RUBCN: variants seen among roughly 807,000 people sequenced by gnomAD.
RUBCN encodes the protein run domain Beclin-1-interacting and cysteine-rich domain-containing protein.
In RUBCN, 74 loss-of-function variants were observed where a neutral mutation model predicts 113.2. That is an observed-to-expected ratio of 0.65 (90% CI 0.54 to 0.79). RUBCN has a LOEUF of 0.79. Among genes scored for constraint, RUBCN ranks in the 30% least tolerant of loss-of-function variants. RUBCN has a pLI of 0.00. For synonymous variants in RUBCN, 480 were observed against 490.0 expected, an observed-to-expected ratio of 0.98 and a Z score of 0.27; for missense variants, 1,109 against 1,251.7, an observed-to-expected ratio of 0.89 and a Z score of 1.72.
chr3:197,718,755 A>G (rs1433481211), intron 1 of RUBCN, among the ~76,000 whole-genome samples: 2 of 152,226 alleles, frequency 1.3e-5, no homozygotes, highest in Non-Finnish European at 2.9e-5. Context: ...CCATTTCTTA[A>G]CAATGACAGT....
At position 197,676,935 on chromosome 3, in the gene RUBCN, G is replaced by C; in HGVS notation, c.2596C>G (p.Arg866Gly). Reference sequence around the variant, plus strand: ...CCTGCCCTGGTGAGCTCAGCAAGCCGGGGCCCCAGCTCCCCCTTCCTGGTC... The same window carrying C: ...CCTGCCCTGGTGAGCTCAGCAAGCCCGGGCCCCAGCTCCCCCTTCCTGGTC... ...TATRKGELGP[R>G]LAELTRAGAT... The change falls in exon 18 of 20, where the codon CGG becomes GGG. Residue 866 changes from arginine to glycine, a missense_variant. By Grantham distance (125) the Arg-to-Gly change is moderately radical (BLOSUM62 -2). Transcript: ENST00000296343. 6.2e-7 allele frequency: 1 copy of C among 1,614,188 alleles called. No individual in the cohort carries two copies. Among genetic ancestry groups the C allele is most frequent in the East Asian group, 2.2e-5 (1 of 44,880 alleles).
chr3:197,736,266 C>G (rs1728108755), intron 1 of RUBCN, among the ~76,000 whole-genome samples: 1 of 152,194 alleles, frequency 6.6e-6, no homozygotes, highest in South Asian at 2.1e-4. Context: ...GCCCCACTTG[C>G]TGTCACGGCA....
At chr3:197,709,584 T>C (rs940686149) in intron 2 of RUBCN, among the ~76,000 whole-genome samples, 11 of 151,964 alleles carry the variant, frequency 7.2e-5, no homozygotes, top group Non-Finnish European at 1.3e-4. Context: ...TTCTCCATGT[T>C]GGTCAGGCTG....
chr3:197,695,784 C>T lies in RUBCN; in HGVS notation c.1473+82G>A. The T allele has an allele frequency of 7.2e-6, 9 of 1,257,612 alleles. No homozygotes were observed. The South Asian group carries it at 9.6e-5, about 13-fold the overall frequency. 77.9% of individuals were successfully genotyped at this position (1,257,612 alleles called of 1,614,324 possible). On this transcript the variant is annotated intron_variant, in intron 9 of 19. Transcript: ENST00000296343. ...CTTTACTGTAATCTATACCCAAAAC[C>T]TCATCAGAACAAATGGCACCACAGA...
chr3:197,719,880 A>G (rs190137674), intron 1 of RUBCN, among the ~76,000 whole-genome samples: 110 of 152,348 alleles, frequency 7.2e-4, no homozygotes, highest in Admixed American at 3.1e-3. Context: ...TGATCGCAAC[A>G]AAGTAATTAG....
rs1227425344 is a variant in RUBCN, at chr3:197,672,278, AC to A, written c.*2739del. 2 of 151,960 alleles carry A rather than the reference AC, an allele frequency of 1.3e-5. No homozygotes were observed. The highest frequency in any genetic ancestry group is 4.8e-5 in the African/African-American group (2 of 41,356). The allele number at this position is 151,960 out of a possible 1,614,324, so 9.4% of individuals were successfully genotyped here. A position where few individuals can be genotyped will look rare whatever the true frequency, so the allele number is the denominator to read the frequency against. ...AACTATGTTTTTTTTCTTTCCCTTT[AC>A]TTACAGAAAGAACACTATCACCTGC... is the stretch of plus-strand genomic sequence containing the variant. On this transcript the variant is annotated 3_prime_UTR_variant, in exon 20 of 20. Coordinates refer to ENST00000296343, the MANE Select transcript of RUBCN (RefSeq NM_014687.4).
intron 4 of RUBCN, among the ~76,000 whole-genome samples, chr3:197,704,094 A>G (rs1361822947): frequency 6.6e-6 from 1 of 152,186 alleles, no homozygotes; most frequent in Admixed American, 6.5e-5. Context: ...GTGAGAGGTA[A>G]GTCTGGATAT....
At chr3:197,689,875 C>T (rs768127263) in intron 11 of RUBCN, among the ~76,000 whole-genome samples, 8 of 152,274 alleles carry the variant, frequency 5.3e-5, no homozygotes, top group Non-Finnish European at 1.0e-4. Flanking sequence ...ACTACAGCCA[C>T]GCTACTGTGC....
In RUBCN at chr3:197,669,715, T is replaced by TC. The variant is rs1719604812; in HGVS notation, c.*5302dup. ...CCCTCAATGGGAGAAGGAATTAAAC[T>TC]CCACCTCCTGGGAGAATTTACGTAT... On this transcript the variant is annotated 3_prime_UTR_variant, in exon 20 of 20. Transcript: ENST00000296343. Among the ~76,000 whole-genome samples, 1 of 152,228 alleles carries TC rather than the reference T, an allele frequency of 6.6e-6. No homozygotes were observed. Among genetic ancestry groups the TC allele is most frequent in the African/African-American group, 2.4e-5 (1 of 41,468 alleles).
At chr3:197,688,652 A>G (rs1391732030) in intron 11 of RUBCN, among the ~76,000 whole-genome samples, 3 of 152,160 alleles carry the variant, frequency 2.0e-5, no homozygotes, top group South Asian at 2.1e-4. Flanking sequence ...GGAGATGGGG[A>G]AAAAAATAGC....
rs542711068 is a variant in RUBCN, at chr3:197,682,271, C to T, written c.2126+199G>A. Among the ~76,000 whole-genome samples the T allele has an allele frequency of 7.2e-5, 11 of 152,252 alleles. No individual in the cohort carries two copies. The South Asian group carries it at 1.0e-3, about 14-fold the overall frequency. ...TTGGGAATGCCAGCAAAACAAAACC[C>T]GCCTCGTTTCCAATTAGCTCCAGGA... On this transcript the variant is annotated intron_variant, in intron 14 of 19. Coordinates refer to ENST00000296343, the MANE Select transcript of RUBCN (RefSeq NM_014687.4).
intron 2 of RUBCN, among the ~76,000 whole-genome samples, chr3:197,710,347 T>G (rs1724820088): frequency 6.6e-6 from 1 of 152,152 alleles, no homozygotes; most frequent in Non-Finnish European, 1.5e-5. Context: ...ATGCCTATAA[T>G]CCCAGCACTT....
chr3:197,732,017 C>T (rs539756331), intron 1 of RUBCN, among the ~76,000 whole-genome samples: 45 of 152,354 alleles, frequency 3.0e-4, no homozygotes, highest in Middle Eastern at 3.4e-3. Context: ...GTCACTCTGA[C>T]GCTCTGGCAT....
intron 17 of RUBCN, 105 bp from the exon 18 acceptor site, chr3:197,677,143 A>G (rs1720531769): frequency 1.6e-6 from 2 of 1,259,946 alleles, no homozygotes; most frequent in Non-Finnish European, 2.3e-6. Flanking sequence ...GAGGGTGGGC[A>G]CCCATCAGCC....
At chr3:197,699,526 T>C (rs1226149454) in intron 7 of RUBCN, among the ~76,000 whole-genome samples, 1 of 152,128 alleles carries the variant, frequency 6.6e-6, no homozygotes, top group African/African-American at 2.4e-5. Context: ...GGCCAGTGGC[T>C]TGGAGTATGG....
At chr3:197,730,210 C>T (rs1363499865) in intron 1 of RUBCN, among the ~76,000 whole-genome samples, 1 of 152,172 alleles carries the variant, frequency 6.6e-6, no homozygotes, top group Non-Finnish European at 1.5e-5. Context: ...AACCACCTCT[C>T]TACTACTTAC....
intron 7 of RUBCN, among the ~76,000 whole-genome samples, chr3:197,698,818 C>T (rs1352135152): frequency 7.2e-6 from 1 of 138,884 alleles, no homozygotes; most frequent in Admixed American, 7.3e-5. Flanking sequence ...TGCGGTGAAA[C>T]CCTGTCTCTA....
chr3:197,726,082 C>T (rs1304626987), intron 1 of RUBCN, among the ~76,000 whole-genome samples: 1 of 152,134 alleles, frequency 6.6e-6, no homozygotes, highest in African/African-American at 2.4e-5. Flanking sequence ...ATAATCTGAC[C>T]CACTATAGCT....
In RUBCN at chr3:197,677,398, C is replaced by T. The variant is rs950522058; in HGVS notation, c.2492+82G>A. 8 of 1,198,032 alleles carry T rather than the reference C, an allele frequency of 6.7e-6. No individual in the cohort carries two copies. The African/African-American group carries it at 1.2e-4, about 18-fold the overall frequency. 74.2% of individuals were successfully genotyped at this position (1,198,032 alleles called of 1,614,324 possible). On this transcript the variant is annotated intron_variant, in intron 17 of 19. Transcript: ENST00000296343. ...AAAATCTCTCTACTCTCCTTCGTTA[C>T]ATAACAAGAGCCAAGCGCGGGGATG...
Sources: gnomAD v4.1 joint callset for allele counts (sites outside exome capture counted in the v4.1 genomes callset) on GRCh38, gnomAD v4.1.1 for gene constraint, MANE v1.5 for transcripts, NCBI Gene and HGNC (gene_info 2026-07-23, HGNC 2026-07-21) for gene names.